The following RNF152 variants were observed in gnomAD, a reference collection of about 807,000 sequenced individuals.
The protein encoded by RNF152 is E3 ubiquitin-protein ligase RNF152.
A neutral mutation model predicts 12.7 loss-of-function variants in RNF152; 11 were observed. The ratio of observed to expected loss-of-function variants is 0.86; its 90% CI spans 0.54 to 1.43. RNF152 has a LOEUF of 1.43. RNF152 is among the 40% of genes most tolerant of loss of function. The pLI, the probability that RNF152 is intolerant of heterozygous loss-of-function variation, is 0.00. For synonymous variants in RNF152, 113 were observed against 120.3 expected (o/e 0.94, Z 0.40); for missense variants, 255 against 274.8 (o/e 0.93, Z 0.51).
At chr18:61,856,764 C>T (rs1911241343) in intron 1 of RNF152, among the ~76,000 whole-genome samples, 1 of 152,126 alleles carries the variant, frequency 6.6e-6, no homozygotes, top group African/African-American at 2.4e-5. Flanking sequence ...CTGCTGACAT[C>T]TCTGGGGATT....
At chr18:61,876,481 C>T (rs1424434891) in intron 1 of RNF152, among the ~76,000 whole-genome samples, 1 of 152,164 alleles carries the variant, frequency 6.6e-6, no homozygotes, top group Non-Finnish European at 1.5e-5. Context: ...ATAATATCAA[C>T]AACTCTTTTT....
intron 1 of RNF152, among the ~76,000 whole-genome samples, chr18:61,854,558 A>T (rs1272108205): frequency 6.6e-6 from 1 of 152,202 alleles, no homozygotes; most frequent in Non-Finnish European, 1.5e-5. Flanking sequence ...TGAGCGAATT[A>T]AAGAGGGCTG....
intron 1 of RNF152, among the ~76,000 whole-genome samples, chr18:61,830,933 T>C (rs1015349636): frequency 6.6e-6 from 1 of 152,222 alleles, no homozygotes; most frequent in Non-Finnish European, 1.5e-5. Context: ...TCCTGACTTG[T>C]ATGTGTAATT....
intron 1 of RNF152, among the ~76,000 whole-genome samples, chr18:61,889,718 C>G (rs549128242): frequency 6.6e-6 from 1 of 152,206 alleles, no homozygotes; most frequent in Non-Finnish European, 1.5e-5. Flanking sequence ...TAAACACATT[C>G]CTGCCCCCTT....
chr18:61,870,546 T>A lies in RNF152; in HGVS notation c.-136+22249A>T, dbSNP rs1019302102. Among the ~76,000 whole-genome samples, 8 of 152,302 alleles carry A rather than the reference T, an allele frequency of 5.3e-5. 2 individuals carry two copies. The South Asian group carries it at 1.2e-3, about 24-fold the overall frequency. ...GTGGTTCCAAAGCCTGCTATGCTGT[T>A]TGCCTCTTGGCCAAGCATGAACTCT... On this transcript the variant is annotated intron_variant, in intron 1 of 1. Transcript: ENST00000312828.
At chr18:61,880,560 G>A (rs895820109) in intron 1 of RNF152, among the ~76,000 whole-genome samples, 11 of 152,122 alleles carry the variant, frequency 7.2e-5, no homozygotes, top group African/African-American at 1.2e-4. Context: ...GCACCCAAGC[G>A]TCTAATAAAC....
chr18:61,850,216 C>T (rs1241015221), intron 1 of RNF152, among the ~76,000 whole-genome samples: 1 of 152,206 alleles, frequency 6.6e-6, no homozygotes, highest in Non-Finnish European at 1.5e-5. Context: ...TTCAATGCCC[C>T]TTGTCAGTAA....
chr18:61,851,465 T>C (rs1910974089), intron 1 of RNF152, among the ~76,000 whole-genome samples: 1 of 152,120 alleles, frequency 6.6e-6, no homozygotes, highest in Non-Finnish European at 1.5e-5. Context: ...AGTGAGACAC[T>C]CAGGAACTGT....
chr18:61,859,010 GA>G (rs149274529), intron 1 of RNF152, among the ~76,000 whole-genome samples: 7,355 of 152,112 alleles, frequency 0.048, 592 homozygotes, highest in African/African-American at 0.17. Context: ...CCAATTACAG[GA>G]GGGTGAAGGA....
At chr18:61,859,186 C>A (rs1173404125) in intron 1 of RNF152, among the ~76,000 whole-genome samples, 2 of 152,180 alleles carry the variant, frequency 1.3e-5, no homozygotes, top group Non-Finnish European at 2.9e-5. Flanking sequence ...CAAATTCCCA[C>A]CTCAGTACTT....
intron 1 of RNF152, among the ~76,000 whole-genome samples, chr18:61,827,381 G>C (rs1163920238): frequency 1.3e-5 from 2 of 152,160 alleles, no homozygotes; most frequent in Non-Finnish European, 2.9e-5. Context: ...TCATTAATTT[G>C]AGGTACCCTA....
At chr18:61,839,627 G>A (rs540865087) in intron 1 of RNF152, among the ~76,000 whole-genome samples, 4 of 152,268 alleles carry the variant, frequency 2.6e-5, no homozygotes, top group African/African-American at 9.6e-5. Flanking sequence ...TGGGCACGGT[G>A]GCTCACCCCT....
At chr18:61,845,136 A>T (rs1320595261) in intron 1 of RNF152, among the ~76,000 whole-genome samples, 1 of 152,164 alleles carries the variant, frequency 6.6e-6, no homozygotes, top group Non-Finnish European at 1.5e-5. Context: ...CCCAGGCTGG[A>T]GTGCAGTGGC....
chr18:61,858,207 G>C (rs1328160494), intron 1 of RNF152, among the ~76,000 whole-genome samples: 1 of 152,186 alleles, frequency 6.6e-6, no homozygotes, highest in Non-Finnish European at 1.5e-5. Context: ...GGGCTCGGCT[G>C]TGACCTCCTG....
chr18:61,815,846 C>G lies in RNF152; in HGVS notation c.*6G>C. 1 of 1,610,988 alleles carries G rather than the reference C, an allele frequency of 6.2e-7. No homozygotes were observed. On this transcript the variant is annotated 3_prime_UTR_variant, in exon 2 of 2. Coordinates refer to ENST00000312828, the MANE Select transcript of RNF152 (RefSeq NM_173557.3). ...GCACCCACAAGAGACTTCCCTGCAG[C>G]CCTCTTCAGCCACAGGATATCACAG... is the stretch of plus-strand genomic sequence containing the variant.
At chr18:61,839,477 A>C (rs2144667683) in intron 1 of RNF152, among the ~76,000 whole-genome samples, 1 of 152,294 alleles carries the variant, frequency 6.6e-6, no homozygotes, top group South Asian at 2.1e-4. Flanking sequence ...CTTTTATTTT[A>C]GAGAGGATGA....
chr18:61,818,949 C>A (rs535320685), intron 1 of RNF152, among the ~76,000 whole-genome samples: 1 of 151,844 alleles, frequency 6.6e-6, no homozygotes, highest in African/African-American at 2.4e-5. Flanking sequence ...CTAAGGGAGC[C>A]GAAGGAATCA....
At chr18:61,831,864 A>C (rs1023049176) in intron 1 of RNF152, among the ~76,000 whole-genome samples, 4 of 152,162 alleles carry the variant, frequency 2.6e-5, no homozygotes, top group African/African-American at 9.7e-5. Context: ...GAACATTTTA[A>C]AAAATTATGT....
chr18:61,863,607 T>C (rs1911591385), intron 1 of RNF152, among the ~76,000 whole-genome samples: 1 of 152,164 alleles, frequency 6.6e-6, no homozygotes, highest in South Asian at 2.1e-4. Flanking sequence ...GCTTCAGCTT[T>C]TGCATTCTGT....
Sources: allele counts gnomAD v4.1 joint callset (sites outside exome capture counted in the v4.1 genomes callset), GRCh38; gene constraint gnomAD v4.1.1; transcripts MANE v1.5; gene names NCBI Gene and HGNC (gene_info 2026-07-23, HGNC 2026-07-21).